NAMPT: variants seen among roughly 807,000 people sequenced by gnomAD.
The protein encoded by NAMPT is nicotinamide phosphoribosyltransferase, also known as NAmPRTase.
Under a neutral mutation model 58.7 loss-of-function variants are expected in NAMPT, and 7 were observed. That is an observed-to-expected ratio of 0.12 (90% CI 0.07 to 0.22). NAMPT has a LOEUF of 0.22. Ranked by LOEUF, NAMPT falls within the 10% of genes least tolerant of loss-of-function variation. NAMPT has a pLI of 1.00. For missense variants in NAMPT, 271 were observed against 567.9 expected, an observed-to-expected ratio of 0.48 and a Z score of 5.31; for synonymous variants, 145 against 198.1, an observed-to-expected ratio of 0.73 and a Z score of 2.25.
chr7:106,265,607 C>G (rs1336310509), intron 6 of NAMPT, among the ~76,000 whole-genome samples: 1 of 148,172 alleles, frequency 6.7e-6, no homozygotes, highest in Non-Finnish European at 1.5e-5. Context: ...ATGAGGGTTT[C>G]CAGTATCTGT....
chr7:106,285,040 G>A (rs1006229557), upstream of NAMPT: 4 of 1,385,696 alleles, frequency 2.9e-6, no homozygotes, highest in Non-Finnish European at 2.8e-6. Flanking sequence ...GGGGTCAGAG[G>A]AGGGCGGGCC....
At chr7:106,282,965 T>C (rs559675348) in intron 1 of NAMPT, among the ~76,000 whole-genome samples, 85 of 152,288 alleles carry the variant, frequency 5.6e-4, no homozygotes, top group African/African-American at 1.9e-3. Context: ...AAATGTAAAA[T>C]AGGTTATAAG....
chr7:106,253,550 A>C, intron 9 of NAMPT: 1 of 169,400 alleles, frequency 5.9e-6, no homozygotes, highest in Non-Finnish European at 1.3e-5. Context: ...AAAACCACAC[A>C]CACAATCTTT....
At chr7:106,275,599 C>T (rs1328568608) in intron 2 of NAMPT, 1 of 152,250 alleles carries the variant, frequency 6.6e-6, no homozygotes. Context: ...TACAATAATG[C>T]TGGCCTAGAA....
Position 106,284,874 on chromosome 7 carries a change from G to T in NAMPT, c.11C>A (p.Ala4Glu). ...GAGGATGTTGAACTCGGCTTCTGCC[G>T]CAGGATTCATCTCGGGCCGGAGGAC... is the stretch of plus-strand genomic sequence containing the variant. MNP[A>E]AEAEFNILLA... Residue 4 changes from alanine to glutamate, a missense_variant, in exon 1 of 11, where the codon GCG (alanine) becomes GAG (glutamate). Coordinates refer to ENST00000222553, the MANE Select transcript of NAMPT (RefSeq NM_005746.3). 1.3e-6 allele frequency: 2 copies of T among 1,583,284 alleles called. No homozygotes were observed. The highest frequency in any genetic ancestry group is 2.3e-5 in the East Asian group (1 of 43,456).
intron 2 of NAMPT, 145 bp from the exon 3 acceptor site, chr7:106,275,194 A>C (rs1792609296): frequency 6.4e-6 from 3 of 466,744 alleles, no homozygotes; most frequent in South Asian, 8.8e-5. Flanking sequence ...ACCCAGAGTC[A>C]ACAGCAGAGT....
rs138870173 is a variant in NAMPT, at chr7:106,282,153, C to T, written c.57+2675G>A. On this transcript the variant is annotated intron_variant, in intron 1 of 10. Coordinates refer to ENST00000222553, the MANE Select transcript of NAMPT (RefSeq NM_005746.3). ...CCGTGACAATACCGAAGCATCCGCTCAGAAGCAGTGAAAGACAAGCAACAA... is the reference window on the plus strand; with the variant it reads ...CCGTGACAATACCGAAGCATCCGCTTAGAAGCAGTGAAAGACAAGCAACAA... Among the ~76,000 whole-genome samples the T allele has an allele frequency of 1.9e-3, 291 of 152,080 alleles. 1 individual carries two copies. The highest frequency in any genetic ancestry group is 6.7e-3 in the African/African-American group (277 of 41,442).
At position 106,263,437 on chromosome 7, in the gene NAMPT, T is replaced by C. The variant is rs763823966; in HGVS notation, c.924A>G (p.Leu308=). The C allele has an allele frequency of 5.0e-6, 8 of 1,602,894 alleles. No homozygotes were observed. Among genetic ancestry groups the C allele is most frequent in the Admixed American group, 3.4e-5 (2 of 59,506 alleles). Residue 308 remains leucine (L), a synonymous_variant, in exon 7 of 11, where the codon CTA becomes CTG. Transcript: ENST00000222553. ...LIVSRSTQAP[L]IIRPDSGNPL... ...GGTTTCCAGAATCAGGTCTGATTAT[T>C]AGTGGTGCCTGTGTACTTCTTGATA...
chr7:106,283,938 C>T (rs890551262), intron 1 of NAMPT, among the ~76,000 whole-genome samples: 10 of 152,184 alleles, frequency 6.6e-5, no homozygotes, highest in African/African-American at 2.4e-4. Flanking sequence ...ATTTACTTTA[C>T]CTCTTCCCTT....
At chr7:106,283,678 C>T (rs1792807902) in intron 1 of NAMPT, among the ~76,000 whole-genome samples, 1 of 152,160 alleles carries the variant, frequency 6.6e-6, no homozygotes, top group Non-Finnish European at 1.5e-5. Flanking sequence ...ATACTTTAAA[C>T]TTGCATCTAA....
chr7:106,257,409 G>A (rs1314344628), intron 8 of NAMPT, among the ~76,000 whole-genome samples: 1 of 149,226 alleles, frequency 6.7e-6, no homozygotes, highest in Admixed American at 6.7e-5. Flanking sequence ...AGGCCAAACA[G>A]TTGAGACTGT....
chr7:106,279,231 C>T (rs1468812074), intron 1 of NAMPT, among the ~76,000 whole-genome samples: 4 of 152,156 alleles, frequency 2.6e-5, no homozygotes. Context: ...AATGTCTGAA[C>T]TGCTTAATTA....
intron 6 of NAMPT, chr7:106,268,247 A>G: frequency 2.6e-6 from 1 of 382,330 alleles, no homozygotes; most frequent in South Asian, 5.5e-5. Context: ...TAAGTATTGG[A>G]AAAAAGCTCT....
chr7:106,259,092 C>A (rs190069845), intron 8 of NAMPT, among the ~76,000 whole-genome samples: 1 of 152,330 alleles, frequency 6.6e-6, no homozygotes, highest in Admixed American at 6.5e-5. Flanking sequence ...TTCACAGCAT[C>A]TTTGCCAGCA....
At chr7:106,285,056 G>A (rs1178097894), upstream of NAMPT, 2 of 1,356,696 alleles carry the variant, frequency 1.5e-6, no homozygotes, top group Non-Finnish European at 1.9e-6. Flanking sequence ...GGGCCCGGGA[G>A]CCGTGACGCG....
intron 3 of NAMPT, among the ~76,000 whole-genome samples, chr7:106,273,012 A>G (rs144347223): frequency 6.6e-5 from 10 of 152,224 alleles, no homozygotes; most frequent in Non-Finnish European, 1.2e-4. Context: ...AACATATTCT[A>G]AAAGTATTCC....
chr7:106,285,279 G>GGCAGCGGGGCA, upstream of NAMPT: 1 of 727,124 alleles, frequency 1.4e-6, no homozygotes, highest in Non-Finnish European at 1.7e-6. Context: ...GGAAGCTGGA[G>GGCAGCGGGGCA]GCAGCGGGGC....
At chr7:106,284,725 AG>A in intron 1 of NAMPT, 102 bp downstream of exon 1, 11 of 183,838 alleles carry the variant, frequency 6.0e-5, no homozygotes, top group Non-Finnish European at 6.2e-5. Flanking sequence ...CCCTAGCCCC[AG>A]CCCCAGCCCC....
At chr7:106,255,701 C>G (rs190543089) in intron 8 of NAMPT, among the ~76,000 whole-genome samples, 1 of 152,144 alleles carries the variant, frequency 6.6e-6, no homozygotes, top group African/African-American at 2.4e-5. Flanking sequence ...TTAGGATGCA[C>G]GCAAATCCAG....
Sources: allele counts gnomAD v4.1 joint callset (sites outside exome capture counted in the v4.1 genomes callset), GRCh38; gene constraint gnomAD v4.1.1; transcripts MANE v1.5; gene names NCBI Gene and HGNC (gene_info 2026-07-23, HGNC 2026-07-21).